IFT56: variants seen among roughly 807,000 people sequenced by gnomAD.
The protein encoded by IFT56 is intraflagellar transport protein 56.
the IFT56 span, among the ~76,000 whole-genome samples, chr7:139,164,553 T>C: frequency 7.9e-5 from 12 of 152,320 alleles, no homozygotes; most frequent in African/African-American, 2.9e-4. Context: ...ATACAGTAGG[T>C]GTATATTGTT....
At chr7:139,173,585 G>C in the IFT56 span, 1 of 823,146 alleles carries the variant, frequency 1.2e-6, no homozygotes, top group Non-Finnish European at 2.2e-6. Flanking sequence ...CAACAGGAGA[G>C]TGTAATCAAA....
the IFT56 span, among the ~76,000 whole-genome samples, chr7:139,188,141 C>T: frequency 6.6e-3 from 975 of 147,414 alleles, 7 homozygotes; most frequent in African/African-American, 0.023. Context: ...TGCTCTGTTG[C>T]CCAGGCTGGA....
At chr7:139,152,327 A>G in the IFT56 span, among the ~76,000 whole-genome samples, 3 of 152,108 alleles carry the variant, frequency 2.0e-5, no homozygotes, top group Admixed American at 6.6e-5. Context: ...GGGTCTTGCT[A>G]TGTTGCCCAG....
chr7:139,184,211 C>T, the IFT56 span, among the ~76,000 whole-genome samples: 1 of 152,184 alleles, frequency 6.6e-6, no homozygotes, highest in Non-Finnish European at 1.5e-5. Flanking sequence ...CTTTTCAGAT[C>T]TGCTTAATAG....
the IFT56 span, among the ~76,000 whole-genome samples, chr7:139,142,754 C>T: frequency 6.6e-6 from 1 of 152,122 alleles, no homozygotes; most frequent in African/African-American, 2.4e-5. Context: ...ATCACTTGAA[C>T]CCAGGAGGCG....
At chr7:139,188,685 A>AG in the IFT56 span, among the ~76,000 whole-genome samples, 1 of 152,256 alleles carries the variant, frequency 6.6e-6, no homozygotes, top group African/African-American at 2.4e-5. Context: ...CAGATTTGCT[A>AG]GGGCAATAAG....
the IFT56 span, among the ~76,000 whole-genome samples, chr7:139,152,693 C>T: frequency 2.0e-5 from 3 of 152,044 alleles, no homozygotes; most frequent in Non-Finnish European, 2.9e-5. Context: ...ATATGATGAC[C>T]TACATCTTTA....
the IFT56 span, among the ~76,000 whole-genome samples, chr7:139,165,945 T>G: frequency 6.6e-6 from 1 of 152,174 alleles, no homozygotes; most frequent in African/African-American, 2.4e-5. Context: ...CTACTTTATT[T>G]TATTTGTTTA....
the IFT56 span, among the ~76,000 whole-genome samples, chr7:139,143,976 C>T: frequency 1.3e-5 from 2 of 152,100 alleles, no homozygotes; most frequent in Admixed American, 6.5e-5. Context: ...TACTCTCCAT[C>T]TTATGTGCAA....
chr7:139,168,842 CT>C, the IFT56 span, among the ~76,000 whole-genome samples: 9 of 152,078 alleles, frequency 5.9e-5, no homozygotes, highest in South Asian at 1.9e-3. Flanking sequence ...ATACAGCGTT[CT>C]TTGTTCTTTT....
chr7:139,168,585 A>C, the IFT56 span: 1 of 587,260 alleles, frequency 1.7e-6, no homozygotes, highest in Non-Finnish European at 3.1e-6. Flanking sequence ...AAAAAAACAA[A>C]AAAAAAACTT....
chr7:139,156,862 T>C, the IFT56 span, among the ~76,000 whole-genome samples: 4 of 152,202 alleles, frequency 2.6e-5, no homozygotes, highest in Admixed American at 2.6e-4. Flanking sequence ...CCTTAATTAC[T>C]ACAGATTTGT....
the IFT56 span, chr7:139,191,827 G>A: frequency 1.3e-5 from 2 of 152,172 alleles, no homozygotes; most frequent in African/African-American, 2.4e-5. Context: ...TAGGCATGTA[G>A]TGAAATATGT....
At chr7:139,161,141 AC>A in the IFT56 span, 1 of 804,808 alleles carries the variant, frequency 1.2e-6, no homozygotes, top group Non-Finnish European at 2.0e-6. Flanking sequence ...CTCCAAGGGA[AC>A]CCCTCCTCAC....
the IFT56 span, chr7:139,140,024 T>G: frequency 1.4e-6 from 2 of 1,427,712 alleles, no homozygotes; most frequent in Non-Finnish European, 1.9e-6. Flanking sequence ...CTCTTATATC[T>G]GATATTCTTC....
the IFT56 span, among the ~76,000 whole-genome samples, chr7:139,144,645 A>G: frequency 6.6e-6 from 1 of 151,996 alleles, no homozygotes; most frequent in Admixed American, 6.6e-5. Flanking sequence ...TCGCATGTAA[A>G]CACTTTGTCA....
the IFT56 span, among the ~76,000 whole-genome samples, chr7:139,157,296 G>A: frequency 4.6e-5 from 7 of 151,020 alleles, no homozygotes; most frequent in Non-Finnish European, 8.9e-5. Flanking sequence ...ACAGACATCC[G>A]CCACCACACC....
At chr7:139,148,728 C>A in the IFT56 span, among the ~76,000 whole-genome samples, 1 of 151,404 alleles carries the variant, frequency 6.6e-6, no homozygotes, top group South Asian at 2.1e-4. Context: ...AGTTTGAGAC[C>A]AGCCTAGCCA....
the IFT56 span, among the ~76,000 whole-genome samples, chr7:139,134,465 G>A: frequency 6.6e-6 from 1 of 151,910 alleles, no homozygotes; most frequent in African/African-American, 2.4e-5. Flanking sequence ...GAGATGCGGT[G>A]TCACCATATT....
Sources: allele counts gnomAD v4.1 joint callset (sites outside exome capture counted in the v4.1 genomes callset), GRCh38; gene constraint gnomAD v4.1.1; transcripts MANE v1.5; gene names NCBI Gene and HGNC (gene_info 2026-07-23, HGNC 2026-07-21).